FKBP5: variants seen among roughly 807,000 people sequenced by gnomAD.
The protein encoded by FKBP5 is peptidyl-prolyl cis-trans isomerase FKBP5.
A neutral mutation model predicts 50.5 loss-of-function variants in FKBP5; 23 were observed. That is an observed-to-expected ratio of 0.46 (90% CI 0.33 to 0.65). The LOEUF is 0.65. Among genes scored for constraint, FKBP5 ranks in the 30% least tolerant of loss-of-function variants. The probability of loss-of-function intolerance (pLI) is 0.02; values close to 1 mark genes in which losing one functional copy is unlikely to be tolerated. For synonymous variants in FKBP5, 176 were observed against 190.6 expected, an observed-to-expected ratio of 0.92 and a Z score of 0.63; for missense variants, 411 against 553.1, an observed-to-expected ratio of 0.74 and a Z score of 2.58.
chr6:35,605,383 C>CT (rs1158530509), intron 5 of FKBP5, among the ~76,000 whole-genome samples: 8,457 of 52,048 alleles, frequency 0.16, 2,514 homozygotes, highest in Non-Finnish European at 0.21. Context: ...ATGACAATAT[C>CT]TTTTTTTTTT....
intron 2 of FKBP5, among the ~76,000 whole-genome samples, chr6:35,709,823 T>G (rs1766383597): frequency 6.6e-6 from 1 of 151,668 alleles, no homozygotes. Flanking sequence ...GACTTGCAAG[T>G]CCATTCAGCA....
chr6:35,688,207 G>C (rs371833025), intron 1 of FKBP5, among the ~76,000 whole-genome samples: 154 of 152,346 alleles, frequency 1.0e-3, no homozygotes, highest in Middle Eastern at 6.8e-3. Context: ...TCCACACCCG[G>C]AGCGCGGCCA....
chr6:35,649,587 C>T (rs1159145006), intron 1 of FKBP5, among the ~76,000 whole-genome samples: 1 of 151,866 alleles, frequency 6.6e-6, no homozygotes. Context: ...TTATTGTAAA[C>T]ATGAAAGTTA....
intron 3 of FKBP5, among the ~76,000 whole-genome samples, chr6:35,629,707 C>T (rs1764097257): frequency 6.6e-6 from 1 of 152,130 alleles, no homozygotes; most frequent in African/African-American, 2.4e-5. Context: ...GATGTAATAT[C>T]GAATTTAAAT....
intron 2 of FKBP5, among the ~76,000 whole-genome samples, chr6:35,713,477 C>G (rs1047519912): frequency 2.0e-5 from 3 of 152,306 alleles, no homozygotes; most frequent in Admixed American, 2.0e-4. Context: ...GTAGACACTA[C>G]CACCCTTTGA....
Position 35,623,054 on chromosome 6 carries a change from C to A in FKBP5, c.251-2780G>T, listed in dbSNP as rs192645801. On this transcript the variant is annotated intron_variant, in intron 3 of 10. Coordinates refer to ENST00000357266, the MANE Select transcript of FKBP5 (RefSeq NM_004117.4). The stretch of plus-strand genomic sequence containing the variant: ...TCAGGAGATCGAAACCATCCTGGCT[C>A]ACACGGTGAAACCCCATCTCCACTA... Among the ~76,000 whole-genome samples, 418 of 152,048 alleles carry A rather than the reference C, an allele frequency of 2.7e-3. 3 individuals carry two copies. Among genetic ancestry groups the A allele is most frequent in the Admixed American group, 5.4e-3 (83 of 15,266 alleles).
chr6:35,720,552 G>A (rs1175949850), intron 1 of FKBP5: 1 of 152,330 alleles, frequency 6.6e-6, no homozygotes, highest in Non-Finnish European at 1.5e-5. Flanking sequence ...AATTTCCCTG[G>A]AAACAGGAAG....
Position 35,661,122 on chromosome 6 carries a change from CTTTAT to C in FKBP5, c.-19-18284_-19-18280del, listed in dbSNP as rs1469270075. Reference sequence around the variant, plus strand: ...ATGCTGGAAACCACTGAATTATATACTTTATTTTATTTTTGATTTACCTTATTTTA... The same window carrying C: ...ATGCTGGAAACCACTGAATTATATACTTTATTTTTGATTTACCTTATTTTA... On this transcript the variant is annotated intron_variant, in intron 1 of 10. Coordinates refer to ENST00000357266, the MANE Select transcript of FKBP5 (RefSeq NM_004117.4). Among the ~76,000 whole-genome samples, 5 of 82,830 alleles carry C rather than the reference CTTTAT, an allele frequency of 6.0e-5. 1 individual carries two copies. Among genetic ancestry groups the C allele is most frequent in the South Asian group, 4.4e-4 (1 of 2,298 alleles). 54.3% of individuals were successfully genotyped at this position (82,830 alleles called of 152,430 possible). A position where few individuals can be genotyped will look rare whatever the true frequency, so the allele number is the denominator to read the frequency against.
chr6:35,670,762 A>T (rs1331274687), intron 1 of FKBP5, among the ~76,000 whole-genome samples: 2 of 151,652 alleles, frequency 1.3e-5, no homozygotes, highest in African/African-American at 4.8e-5. Flanking sequence ...AGAAAAGAAA[A>T]GAAAAACTCA....
intron 3 of FKBP5, among the ~76,000 whole-genome samples, chr6:35,633,922 G>A (rs189927381): frequency 6.6e-6 from 1 of 152,104 alleles, no homozygotes; most frequent in East Asian, 1.9e-4. Flanking sequence ...CCATGAGACC[G>A]CACTGACTCT....
In FKBP5 at chr6:35,620,208, A is replaced by C. The variant is rs961320872; in HGVS notation, c.317T>G (p.Leu106Arg). ...TMKKGEICHL[L>R]CKPEYAYGSA... Reference sequence around the variant, plus strand: ...GCCATATGCATATTCTGGTTTGCACAGTAAATGGCATATCTCTCCTTTCTT... The same window carrying C: ...GCCATATGCATATTCTGGTTTGCACCGTAAATGGCATATCTCTCCTTTCTT... Residue 106 changes from leucine to arginine, a missense_variant, in exon 4 of 11, where the codon CTG becomes CGG. This residue lies in a region of FKBP5 where 267 missense variants were observed against 405.9 expected (regional missense o/e 0.66). Transcript: ENST00000357266. 7.4e-6 allele frequency: 12 copies of C among 1,614,088 alleles called. No homozygotes were observed. Among genetic ancestry groups the C allele is most frequent in the Non-Finnish European group, 1.0e-5 (12 of 1,180,022 alleles).
chr6:35,625,423 G>C (rs1433660783), intron 3 of FKBP5, among the ~76,000 whole-genome samples: 1 of 151,740 alleles, frequency 6.6e-6, no homozygotes, highest in Non-Finnish European at 1.5e-5. Flanking sequence ...TCATCTTCAG[G>C]ATCTCAGTCA....
Position 35,653,620 on chromosome 6 carries a change from T to C in FKBP5, c.-19-10777A>G, listed in dbSNP as rs536132237. The stretch of plus-strand genomic sequence containing the variant: ...ATTCATGTTAAGAGAGGGTGTCAAA[T>C]TGAGAACCAGGCAGATCCACCACCT... On this transcript the variant is annotated intron_variant, in intron 1 of 10. Coordinates refer to ENST00000357266, the MANE Select transcript of FKBP5 (RefSeq NM_004117.4). 5.9e-5 allele frequency among the ~76,000 whole-genome samples: 9 copies of C among 152,296 alleles called. No individual in the cohort carries two copies. The East Asian group carries it at 1.5e-3, about 26-fold the overall frequency.
intron 5 of FKBP5, among the ~76,000 whole-genome samples, chr6:35,618,543 C>T (rs1054727205): frequency 2.0e-5 from 3 of 151,906 alleles, no homozygotes; most frequent in Admixed American, 2.0e-4. Flanking sequence ...GACTAATTCT[C>T]TTGATGCTTT....
At chr6:35,688,024 C>G (rs1765882849) in intron 1 of FKBP5, among the ~76,000 whole-genome samples, 1 of 152,270 alleles carries the variant, frequency 6.6e-6, no homozygotes, top group Admixed American at 6.5e-5. Flanking sequence ...CGTCCCAGAA[C>G]AGAAGAGCAT....
intron 2 of FKBP5, among the ~76,000 whole-genome samples, chr6:35,704,174 A>G (rs542651257): frequency 1.4e-4 from 22 of 152,286 alleles, no homozygotes; most frequent in African/African-American, 5.3e-4. Flanking sequence ...CAAACTTGAG[A>G]AATTTCTCTC....
chr6:35,661,293 T>C (rs1481846447), intron 1 of FKBP5, among the ~76,000 whole-genome samples: 1 of 82,758 alleles, frequency 1.2e-5, no homozygotes, highest in Non-Finnish European at 2.8e-5. Context: ...CCGGCCTGAA[T>C]TGTACACTTT....
intron 1 of FKBP5, among the ~76,000 whole-genome samples, chr6:35,672,406 A>G (rs1053572489): frequency 2.0e-5 from 3 of 152,114 alleles, no homozygotes; most frequent in Non-Finnish European, 4.4e-5. Flanking sequence ...ATTCAACTTC[A>G]GTGTTTAAAA....
chr6:35,704,934 A>G lies in FKBP5; in HGVS notation c.-20+15394T>C, dbSNP rs1766263753. On this transcript the variant is annotated intron_variant, in intron 2 of 11. Coordinates refer to the FKBP5 transcript ENST00000536438. ...AGGCGGGCGGATCACGAGGTCAGGA[A>G]ATCGAGACCATCCTGGGTAACACGG... Among the ~76,000 whole-genome samples, 3 of 151,462 alleles carry G rather than the reference A, an allele frequency of 2.0e-5. No homozygotes were observed. The South Asian group carries it at 6.3e-4, about 32-fold the overall frequency.
Sources: gnomAD v4.1 joint callset for allele counts (sites outside exome capture counted in the v4.1 genomes callset) on GRCh38, gnomAD v4.1.1 for gene constraint, gnomAD v4.1.1 regional missense constraint, MANE v1.5 for transcripts, NCBI Gene and HGNC (gene_info 2026-07-23, HGNC 2026-07-21) for gene names.